DCLRE1B: variants seen among roughly 807,000 people sequenced by gnomAD.
DCLRE1B encodes 5' exonuclease Apollo.
In DCLRE1B, 6 loss-of-function variants were observed where a neutral mutation model predicts 19.8. The ratio of observed to expected loss-of-function variants is 0.30; its 90% CI spans 0.17 to 0.60. The LOEUF (loss-of-function observed/expected upper bound fraction) is 0.60, where lower values mean the gene tolerates loss of function less well. Ranked by LOEUF, DCLRE1B falls within the 20% of genes least tolerant of loss-of-function variation. DCLRE1B has a pLI of 0.87. For missense variants in DCLRE1B, 622 were observed against 654.2 expected, an observed-to-expected ratio of 0.95 and a Z score of 0.54; for synonymous variants, 258 against 255.7, an observed-to-expected ratio of 1.01 and a Z score of -0.09.
upstream of DCLRE1B, chr1:113,904,946 G>A (rs1668797296): frequency 4.0e-6 from 2 of 506,250 alleles, no homozygotes; most frequent in South Asian, 2.0e-5. Context: ...CCCTACCGTC[G>A]GCCGGCAGGC....
At chr1:113,907,202 ATGT>A (rs1558106740) in intron 2 of DCLRE1B, 41 bp downstream of exon 2, 209 of 203,086 alleles carry the variant, frequency 1.0e-3, no homozygotes, top group South Asian at 3.2e-3. Flanking sequence ...TCCAGACTAG[ATGT>A]TTTTTTTTTT....
chr1:113,904,730 C>T (rs1277516051), upstream of DCLRE1B: 1 of 1,609,452 alleles, frequency 6.2e-7, no homozygotes. Context: ...TCCTAAGAGT[C>T]ACAGGGCAGC....
At chr1:113,911,068 A>AT in intron 3 of DCLRE1B, 63 bp from the exon 4 acceptor site, 2 of 1,452,276 alleles carry the variant, frequency 1.4e-6, no homozygotes, top group Non-Finnish European at 1.9e-6. Context: ...ATTTATTAGG[A>AT]TTTTCCAATA....
rs114661042 is a variant in DCLRE1B at position 113,907,400 on chromosome 1, G to A, written c.355+239G>A. ...CTTAACTCAATAGAAGTCTGGAGGC[G>A]CTGGAGGCCTTCTAACTTCATCACA... On this transcript the variant is annotated intron_variant, in intron 2 of 3. Transcript: ENST00000650450. 0.016 allele frequency among the ~76,000 whole-genome samples: 2,455 copies of A among 151,708 alleles called. 79 individuals carry two copies. Among genetic ancestry groups the A allele is most frequent in the African/African-American group, 0.055 (2,267 of 41,302 alleles).
Position 113,913,042 on chromosome 1 carries a change from G to A in DCLRE1B, c.*851G>A, listed in dbSNP as rs1220178162. The A allele has an allele frequency of 6.5e-6, 1 of 152,776 alleles. No individual in the cohort carries two copies. The highest frequency in any genetic ancestry group is 1.5e-5 in the Non-Finnish European group (1 of 68,044). The allele number at this position is 152,776 out of a possible 1,614,324, so 9.5% of individuals were successfully genotyped here. A position where few individuals can be genotyped will look rare whatever the true frequency, so the allele number is the denominator to read the frequency against. The stretch of plus-strand genomic sequence containing the variant: ...AGATATTCCTCCAATTGTTCACATA[G>A]CTGGGATATTTGTTGCTCCCCTCAC... On this transcript the variant is annotated 3_prime_UTR_variant, in exon 4 of 4. Transcript: ENST00000650450.
At chr1:113,904,874 C>G (rs575828809), upstream of DCLRE1B, 98 of 693,544 alleles carry the variant, frequency 1.4e-4, 1 homozygote, top group African/African-American at 1.5e-3. Context: ...GGCCGGCACG[C>G]TGGCCCTGAC....
chr1:113,906,525 C>G (rs1451549723), intron 1 of DCLRE1B, among the ~76,000 whole-genome samples: 1 of 150,608 alleles, frequency 6.6e-6, no homozygotes, highest in Non-Finnish European at 1.5e-5. Flanking sequence ...GAGTCTCGCT[C>G]TGTCGCCCAG....
chr1:113,908,472 A>G (rs1034024822), intron 3 of DCLRE1B, among the ~76,000 whole-genome samples: 6 of 152,166 alleles, frequency 3.9e-5, no homozygotes, highest in Admixed American at 2.0e-4. Flanking sequence ...GTTGGGCACG[A>G]TGGTGCGTGC....
At position 113,908,069 on chromosome 1, in the gene DCLRE1B, T is replaced by C. The variant is rs1669106560; in HGVS notation, c.416T>C (p.Ile139Thr). 2 of 1,614,156 alleles carry C rather than the reference T, an allele frequency of 1.2e-6. No individual in the cohort carries two copies. The highest frequency in any genetic ancestry group is 1.7e-6 in the Non-Finnish European group (2 of 1,180,034). ...CCAGCCCTGACACTGGGGAAACAGATCCATACTTTATACCTAGACAACACC... is the reference window on the plus strand; with the variant it reads ...CCAGCCCTGACACTGGGGAAACAGACCCATACTTTATACCTAGACAACACC... ...KEPALTLGKQIHTLYLDNTNC... is the reference protein window; with the variant it reads ...KEPALTLGKQTHTLYLDNTNC... Residue 139 changes from isoleucine (I) to threonine (T), a missense_variant, in exon 3 of 4, where the codon ATC becomes ACC. Ile to Thr is a moderately conservative substitution (Grantham distance 89). Around this residue, in one of 3 missense-constraint regions of DCLRE1B, gnomAD observed 237 missense variants for 223.8 expected, o/e 1.06. Transcript: ENST00000650450.
In DCLRE1B at chr1:113,907,100, T is replaced by C. The variant is rs200886475; in HGVS notation, c.294T>C (p.Asn98=). 13 of 1,612,430 alleles carry C rather than the reference T, an allele frequency of 8.1e-6. No individual in the cohort carries two copies. The highest frequency in any genetic ancestry group is 3.4e-6 in the Non-Finnish European group (4 of 1,179,594). Residue 98 remains asparagine, a synonymous_variant, in exon 2 of 4, where the codon AAT becomes AAC. Coordinates refer to ENST00000650450, the MANE Select transcript of DCLRE1B (RefSeq NM_022836.4). ...TGACCGTAACCCTCCTCGATGCCAATCACTGTCCTGGTTCTGTCATGTTTC... is the reference window on the plus strand; with the variant it reads ...TGACCGTAACCCTCCTCGATGCCAACCACTGTCCTGGTTCTGTCATGTTTC... ...ETMTVTLLDA[N]HCPGSVMFLF... is the part of the protein sequence containing the mutation.
Position 113,905,612 on chromosome 1 carries a change from C to T in DCLRE1B, c.26C>T (p.Thr9Met). 1 of 1,614,200 alleles carries T rather than the reference C, an allele frequency of 6.2e-7. No individual in the cohort carries two copies. Among genetic ancestry groups the T allele is most frequent in the Non-Finnish European group, 8.5e-7 (1 of 1,180,046 alleles). The change falls in exon 1 of 4, where the codon ACG (threonine) becomes ATG (methionine). Residue 9 changes from threonine (T) to methionine (M), a missense_variant. Physicochemically the swap from Thr to Met is moderately conservative, Grantham distance 81. Around this residue, in one of 3 missense-constraint regions of DCLRE1B, gnomAD observed 237 missense variants for 223.8 expected, o/e 1.06. Coordinates refer to ENST00000650450, the MANE Select transcript of DCLRE1B (RefSeq NM_022836.4). ...ATGAATGGGGTCCTGATCCCCCATA[C>T]GCCCATCGCAGTGGACTTCTGGAGC... MNGVLIPH[T>M]PIAVDFWSLR...
intron 3 of DCLRE1B, 111 bp downstream of exon 3, chr1:113,908,302 C>A: frequency 7.1e-7 from 1 of 1,403,374 alleles, no homozygotes; most frequent in Non-Finnish European, 9.6e-7. Context: ...CCTACACTGA[C>A]CACCTTATTT....
chr1:113,905,224 A>G (rs1668836631), upstream of DCLRE1B: 2 of 339,706 alleles, frequency 5.9e-6, no homozygotes, highest in South Asian at 3.0e-5. Context: ...CCCTTCCCCC[A>G]ACCTCTCACT....
upstream of DCLRE1B, chr1:113,904,896 C>T (rs2101059264): frequency 4.8e-6 from 3 of 628,454 alleles, no homozygotes; most frequent in East Asian, 3.0e-5. Flanking sequence ...CACTTCCACG[C>T]CCTCCGCGAC....
upstream of DCLRE1B, chr1:113,905,135 C>G (rs1281987958): frequency 1.7e-5 from 6 of 353,496 alleles, no homozygotes; most frequent in African/African-American, 1.1e-4. Context: ...GCCCCCTTGT[C>G]AAGAGACCAA....
chr1:113,910,650 C>T (rs1032032080), intron 3 of DCLRE1B, among the ~76,000 whole-genome samples: 1 of 152,084 alleles, frequency 6.6e-6, no homozygotes, highest in Non-Finnish European at 1.5e-5. Flanking sequence ...TATAGGCGTG[C>T]ACCAACATGC....
intron 1 of DCLRE1B, 110 bp from the exon 2 acceptor site, chr1:113,906,886 G>C: frequency 8.2e-7 from 1 of 1,224,374 alleles, no homozygotes; most frequent in Non-Finnish European, 1.2e-6. Flanking sequence ...TCTGCTCCCG[G>C]TGGCTCAGGA....
In DCLRE1B at chr1:113,912,144, TC is replaced by T. The variant is rs751217708; in HGVS notation, c.1554del (p.Arg519GlyfsTer31). ...GAACTTTTTCCAGGCAGGGTATTCT[TC>T]CAGGAGATTTGACCAGCAAGTGGAA... is the stretch of plus-strand genomic sequence containing the variant. ...PVNFFQAGYS[S>X]RRFDQQVEKY... is the part of the protein sequence containing the mutation. On this transcript the variant is annotated frameshift_variant, in exon 4 of 4. Coordinates refer to ENST00000650450, the MANE Select transcript of DCLRE1B (RefSeq NM_022836.4). LOFTEE classifies it high-confidence loss of function. 1 of 1,614,130 alleles carries T rather than the reference TC, an allele frequency of 6.2e-7. No individual in the cohort carries two copies. The highest frequency in any genetic ancestry group is 8.5e-7 in the Non-Finnish European group (1 of 1,180,022).
intron 1 of DCLRE1B, 32 bp from the exon 2 acceptor site, chr1:113,906,964 G>A: frequency 6.2e-7 from 1 of 1,612,446 alleles, no homozygotes; most frequent in Non-Finnish European, 8.5e-7. Flanking sequence ...AGAGGAGTCA[G>A]TGGTCACTGG....
Sources: allele counts gnomAD v4.1 joint callset (sites outside exome capture counted in the v4.1 genomes callset), GRCh38; gene constraint gnomAD v4.1.1; regional missense constraint gnomAD v4.1.1; transcripts MANE v1.5; gene names NCBI Gene and HGNC (gene_info 2026-07-23, HGNC 2026-07-21).